Variants in ELMO1 observed in about 807,000 individuals in gnomAD.
ELMO1 encodes engulfment and cell motility protein 1.
Under a neutral mutation model 98.9 loss-of-function variants are expected in ELMO1, and 26 were observed. That is an observed-to-expected ratio of 0.26 (90% confidence interval 0.19 to 0.36). The LOEUF (loss-of-function observed/expected upper bound fraction) is 0.36. Among genes scored for constraint, ELMO1 ranks in the 10% least tolerant of loss-of-function variants. The pLI, the probability that ELMO1 is intolerant of heterozygous loss-of-function variation, is 1.00. For missense variants in ELMO1, 627 were observed against 935.2 expected (o/e 0.67, Z 4.30); for synonymous variants, 346 against 346.0 (o/e 1.00, Z 0.00).
At chr7:36,887,458 C>T in intron 18 of ELMO1, 102 bp downstream of exon 18, 7 of 1,029,324 alleles carry the variant, frequency 6.8e-6, no homozygotes, top group Non-Finnish European at 1.0e-5. Context: ...GAGTACAATG[C>T]TGCATGGCCT....
At chr7:37,150,943 C>T (rs1224574631) in intron 13 of ELMO1, among the ~76,000 whole-genome samples, 1 of 152,184 alleles carries the variant, frequency 6.6e-6, no homozygotes, top group Non-Finnish European at 1.5e-5. Context: ...CATCCTCGAC[C>T]CTGCTCAAGT....
intron 13 of ELMO1, among the ~76,000 whole-genome samples, chr7:37,209,211 G>A (rs1792821294): frequency 2.0e-5 from 3 of 152,246 alleles, no homozygotes; most frequent in South Asian, 2.1e-4. Context: ...AAAATAAAAA[G>A]GAGATGCTTC....
chr7:37,140,065 C>G (rs1443852006), intron 13 of ELMO1, among the ~76,000 whole-genome samples: 1 of 152,046 alleles, frequency 6.6e-6, no homozygotes, highest in Non-Finnish European at 1.5e-5. Flanking sequence ...CGAAAATCAA[C>G]TCAAGATGGA....
Position 37,342,532 on chromosome 7 carries a change from A to G in ELMO1, c.78+81T>C. The G allele has an allele frequency of 5.2e-6, 7 of 1,351,302 alleles. No homozygotes were observed. The highest frequency in any genetic ancestry group is 6.4e-6 in the Non-Finnish European group (6 of 941,914). The allele number at this position is 1,351,302 out of a possible 1,614,324, so 83.7% of individuals were successfully genotyped here. ...ACAGCTAGAGAGAGAAAGGGAGAAG[A>G]GTGAGCTATCCAAAGTCTATGAAAA... On this transcript the variant is annotated intron_variant, in intron 2 of 21. Transcript: ENST00000310758. The surrounding 1 kb of genome is among the most constrained non-coding windows in gnomAD (Gnocchi z 4.3).
chr7:37,441,474 A>G (rs2131590554), intron 1 of ELMO1, among the ~76,000 whole-genome samples: 1 of 152,332 alleles, frequency 6.6e-6, no homozygotes, highest in East Asian at 1.9e-4. Context: ...CACTAATGGA[A>G]TATCAATAAC....
chr7:37,329,575 T>C (rs1261358153), intron 2 of ELMO1, among the ~76,000 whole-genome samples: 1 of 152,096 alleles, frequency 6.6e-6, no homozygotes, highest in African/African-American at 2.4e-5. Flanking sequence ...CTGGCCAGTG[T>C]ATCAAAACCC....
intron 4 of ELMO1, among the ~76,000 whole-genome samples, chr7:37,310,320 A>G (rs1046512479): frequency 6.6e-6 from 1 of 152,238 alleles, no homozygotes; most frequent in African/African-American, 2.4e-5. Context: ...CCACAAGCAC[A>G]CAACCTAACC....
chr7:36,888,524 G>A (rs1179573249), intron 17 of ELMO1, among the ~76,000 whole-genome samples: 1 of 152,186 alleles, frequency 6.6e-6, no homozygotes, highest in East Asian at 1.9e-4. Flanking sequence ...GAAGACTAGA[G>A]TTTCAGTCTA....
At chr7:37,439,492 T>C (rs892725726) in intron 1 of ELMO1, among the ~76,000 whole-genome samples, 1 of 152,206 alleles carries the variant, frequency 6.6e-6, no homozygotes, top group Non-Finnish European at 1.5e-5. Context: ...CAGCCCTCCC[T>C]ACCCCTTCTC....
chr7:37,303,005 G>A lies in ELMO1; in HGVS notation c.192+11845C>T, dbSNP rs558582159. 8.5e-4 allele frequency among the ~76,000 whole-genome samples: 130 copies of A among 152,140 alleles called. 1 individual carries two copies. Among genetic ancestry groups the A allele is most frequent in the African/African-American group, 2.8e-3 (115 of 41,496 alleles). On this transcript the variant is annotated intron_variant, in intron 4 of 21. Coordinates refer to ENST00000310758, the MANE Select transcript of ELMO1 (RefSeq NM_014800.11). ...CCTCTTATCTCTCCCCAGACTTTCC[G>A]CCTAACTTTCTACCTTTCTTCTATT...
chr7:37,108,325 C>A (rs930981611), intron 14 of ELMO1, among the ~76,000 whole-genome samples: 1 of 152,200 alleles, frequency 6.6e-6, no homozygotes, highest in African/African-American at 2.4e-5. Flanking sequence ...CCCGACACCC[C>A]TCCCTGACAC....
At chr7:37,155,750 T>C (rs1439106837) in intron 13 of ELMO1, among the ~76,000 whole-genome samples, 1 of 152,036 alleles carries the variant, frequency 6.6e-6, no homozygotes, top group Non-Finnish European at 1.5e-5. Context: ...TCACTGTCAA[T>C]ATTAGACAGA....
chr7:37,403,733 T>TG (rs1191804787), intron 1 of ELMO1, among the ~76,000 whole-genome samples: 1 of 151,984 alleles, frequency 6.6e-6, no homozygotes, highest in African/African-American at 2.4e-5. Context: ...TTTGTAGAGA[T>TG]GGGGGTCTCA....
chr7:37,188,966 C>T (rs1230876452), intron 13 of ELMO1, among the ~76,000 whole-genome samples: 1 of 152,126 alleles, frequency 6.6e-6, no homozygotes, highest in East Asian at 1.9e-4. Context: ...TGTTTTAGTC[C>T]TCCTGCTGAA....
chr7:36,860,256 T>C (rs1403543156), intron 21 of ELMO1, among the ~76,000 whole-genome samples: 1 of 152,216 alleles, frequency 6.6e-6, no homozygotes, highest in East Asian at 1.9e-4. Context: ...GTGGGGGGTT[T>C]GGTGCCCATA....
intron 16 of ELMO1, among the ~76,000 whole-genome samples, chr7:37,008,627 A>C (rs1793320162): frequency 1.3e-5 from 2 of 152,188 alleles, no homozygotes; most frequent in African/African-American, 2.4e-5. Context: ...GCATTTTTAC[A>C]GTAATTACTT....
intron 16 of ELMO1, among the ~76,000 whole-genome samples, chr7:36,914,721 C>T (rs1002099008): frequency 6.6e-6 from 1 of 151,974 alleles, no homozygotes; most frequent in Non-Finnish European, 1.5e-5. Context: ...ACCATATTGG[C>T]CAGGATGGTC....
chr7:37,127,567 T>C (rs17170891), intron 14 of ELMO1, among the ~76,000 whole-genome samples: 4,923 of 152,296 alleles, frequency 0.032, 224 homozygotes, highest in African/African-American at 0.1. Context: ...TAGGGATTAC[T>C]TGAAGACTGA....
In ELMO1 at chr7:37,406,606, AT is replaced by A. The variant is rs914312651; in HGVS notation, c.-74+42068del. 2.0e-3 allele frequency among the ~76,000 whole-genome samples: 292 copies of A among 143,868 alleles called. 1 individual carries two copies. Among genetic ancestry groups the A allele is most frequent in the Middle Eastern group, 7.0e-3 (2 of 284 alleles). The allele number at this position is 143,868 out of a possible 152,430, so 94.4% of individuals were successfully genotyped here. ...CATCACGCCCGGATAATTTTTTTGT[AT>A]TTTTTTTTTTAGTAGAGACGGGGGA... On this transcript the variant is annotated intron_variant, in intron 1 of 21. Transcript: ENST00000310758.
Sources: gnomAD v4.1 joint callset for allele counts (sites outside exome capture counted in the v4.1 genomes callset) on GRCh38, gnomAD v4.1.1 for gene constraint, Gnocchi (gnomAD v3.1) non-coding constraint, MANE v1.5 for transcripts, NCBI Gene and HGNC (gene_info 2026-07-23, HGNC 2026-07-21) for gene names.